Variants in DNAH9 observed in about 807,000 individuals in gnomAD.
DNAH9 encodes DNAH9 variant protein.
Under a neutral mutation model 471.6 loss-of-function variants are expected in DNAH9, and 345 were observed. The ratio of observed to expected loss-of-function variants is 0.73; its 90% CI spans 0.67 to 0.80. DNAH9 has a LOEUF of 0.80. DNAH9 is among the 30% of genes least tolerant of loss of function. DNAH9 has a pLI of 0.00. For synonymous variants in DNAH9, 2,093 were observed against 2,123.6 expected, an observed-to-expected ratio of 0.99 and a Z score of 0.40; for missense variants, 5,407 against 5,609.2, an observed-to-expected ratio of 0.96 and a Z score of 1.15.
intron 19 of DNAH9, among the ~76,000 whole-genome samples, chr17:11,688,893 C>T (rs2074285075): frequency 6.6e-6 from 1 of 152,026 alleles, no homozygotes; most frequent in Admixed American, 6.6e-5. Context: ...GTCAGGAGTT[C>T]AAGACCAGCC....
intron 20 of DNAH9, among the ~76,000 whole-genome samples, chr17:11,691,223 G>A (rs181662878): frequency 3.3e-5 from 5 of 152,248 alleles, no homozygotes; most frequent in African/African-American, 4.8e-5. Context: ...ATAGATTAAA[G>A]GTTGTATATT....
At position 11,883,074 on chromosome 17, in the gene DNAH9, A is replaced by G. The variant is rs151021694; in HGVS notation, c.10807-512A>G. The stretch of plus-strand genomic sequence containing the variant: ...AGGAAGAGATGAGATCCACTTGGAT[A>G]CCAGCACCCCACTCCAGCCTCGAGG... On this transcript the variant is annotated intron_variant, in intron 55 of 68. Coordinates refer to ENST00000262442, the MANE Select transcript of DNAH9 (RefSeq NM_001372.4). The G allele has an allele frequency of 5.1e-5, 50 of 987,552 alleles. No homozygotes were observed. The African/African-American group carries it at 8.0e-4, about 16-fold the overall frequency. 61.2% of individuals were successfully genotyped at this position (987,552 alleles called of 1,614,324 possible). A position where few individuals can be genotyped will look rare whatever the true frequency, so the allele number is the denominator to read the frequency against.
intron 24 of DNAH9, among the ~76,000 whole-genome samples, chr17:11,702,558 G>A (rs922695833): frequency 6.6e-6 from 1 of 152,184 alleles, no homozygotes; most frequent in African/African-American, 2.4e-5. Flanking sequence ...GGAGGAACCA[G>A]TAAAGCAGAA....
intron 43 of DNAH9, among the ~76,000 whole-genome samples, chr17:11,799,112 G>C (rs752897066): frequency 3.3e-5 from 5 of 151,918 alleles, no homozygotes; most frequent in Non-Finnish European, 7.4e-5. Context: ...GGCTTGCTTG[G>C]CTCCCATGGT....
At chr17:11,677,396 CTTCT>C (rs2074065321) in intron 17 of DNAH9, among the ~76,000 whole-genome samples, 1 of 152,130 alleles carries the variant, frequency 6.6e-6, no homozygotes, top group Admixed American at 6.5e-5. Context: ...CATTAAACAT[CTTCT>C]TTATCACTAG....
At chr17:11,901,252 G>A (rs1973401252) in intron 59 of DNAH9, among the ~76,000 whole-genome samples, 1 of 152,184 alleles carries the variant, frequency 6.6e-6, no homozygotes, top group Admixed American at 6.5e-5. Flanking sequence ...AGGTTTAAAA[G>A]CTATCAGCAG....
In DNAH9 at chr17:11,905,699, T is replaced by G. The variant is rs1342939872; in HGVS notation, c.11639T>G (p.Val3880Gly). ...VEEKLGSKYV[V>G]GRALDFATSF... ...GAGAAGTTAGGAAGCAAATACGTGG[T>G]GGGAAGAGCCCTAGATTTTGCAACC... The change falls in exon 61 of 69, where the codon GTG (valine) becomes GGG (glycine). Residue 3880 changes from valine (V) to glycine (G), a missense_variant. Transcript: ENST00000262442. 2 of 1,614,112 alleles carry G rather than the reference T, an allele frequency of 1.2e-6. No homozygotes were observed. Among genetic ancestry groups the G allele is most frequent in the Non-Finnish European group, 1.7e-6 (2 of 1,180,008 alleles).
rs201954006 is a variant in DNAH9 at position 11,651,166 on chromosome 17, A to G, written c.2195A>G (p.Tyr732Cys). Residue 732 changes from tyrosine (Y) to cysteine (C), a missense_variant, in exon 13 of 69, where the codon TAT becomes TGT. Tyr to Cys is a radical substitution (Grantham distance 194). Coordinates refer to ENST00000262442, the MANE Select transcript of DNAH9 (RefSeq NM_001372.4). ...GCCATGTTCTCCTCCAGGGATTTCT[A>G]TCGGCAGCTTGTGGCTAATTTAGAG... ...AAAMFSSRDF[Y>C]RQLVANLELM... 84 of 1,614,054 alleles carry G rather than the reference A, an allele frequency of 5.2e-5. No individual in the cohort carries two copies. Among genetic ancestry groups the G allele is most frequent in the Non-Finnish European group, 6.4e-5 (76 of 1,180,022 alleles).
At position 11,784,550 on chromosome 17, in the gene DNAH9, C is replaced by T. The variant is rs202044221; in HGVS notation, c.8061+11C>T. ...GCCAACATTTTCCAGGTGAGTTCAT[C>T]GGCTCCGAGACACCCTAGGGGCTTA... On this transcript the variant is annotated intron_variant, in intron 41 of 68. Coordinates refer to ENST00000262442, the MANE Select transcript of DNAH9 (RefSeq NM_001372.4). 146 of 1,614,124 alleles carry T rather than the reference C, an allele frequency of 9.0e-5. 1 individual carries two copies. The South Asian group carries it at 1.3e-3, about 14-fold the overall frequency.
Position 11,611,797 on chromosome 17 carries a change from G to A in DNAH9, c.904+17G>A. The A allele has an allele frequency of 3.7e-6, 6 of 1,613,680 alleles. No homozygotes were observed. Among genetic ancestry groups the A allele is most frequent in the Non-Finnish European group, 5.1e-6 (6 of 1,179,554 alleles). ...TTGTTGCAGGTGAGGACCAGCAAGT[G>A]TTTTCACAAATGTGTTTGACTCAAG... On this transcript the variant is annotated intron_variant, in intron 4 of 68. Coordinates refer to ENST00000262442, the MANE Select transcript of DNAH9 (RefSeq NM_001372.4).
chr17:11,668,912 TG>T (rs2073928709), intron 15 of DNAH9, 151 bp from the exon 16 acceptor site: 1 of 612,040 alleles, frequency 1.6e-6, no homozygotes, highest in Non-Finnish European at 2.9e-6. Context: ...TCACATTGTA[TG>T]GGATGTAAAC....
Position 11,871,750 on chromosome 17 carries a change from G to A in DNAH9, c.10206G>A (p.Leu3402=), listed in dbSNP as rs766744235. ...FFTKKYRQSL[L]DRTWRPYLSQ... ...CAAAGAAATACCGGCAGAGCCTCCT[G>A]GACAGAACTTGGAGGCCCTACCTGA... Residue 3402 remains leucine, a synonymous_variant, in exon 52 of 69, where the codon CTG becomes CTA. Transcript: ENST00000262442. The A allele has an allele frequency of 6.2e-7, 1 of 1,614,154 alleles. No individual in the cohort carries two copies. The highest frequency in any genetic ancestry group is 2.2e-5 in the East Asian group (1 of 44,890).
At chr17:11,868,688 C>A (rs376414037) in intron 50 of DNAH9, among the ~76,000 whole-genome samples, 1 of 151,994 alleles carries the variant, frequency 6.6e-6, no homozygotes, top group Admixed American at 6.6e-5. Flanking sequence ...ATGCTAACCC[C>A]AGTTTTGATG....
At chr17:11,624,689 C>T (rs2150664654) in intron 6 of DNAH9, among the ~76,000 whole-genome samples, 1 of 152,186 alleles carries the variant, frequency 6.6e-6, no homozygotes, top group East Asian at 1.9e-4. Context: ...ACTTTGATAT[C>T]CTATAGGGAG....
chr17:11,800,198 T>C (rs1180048311), intron 43 of DNAH9, among the ~76,000 whole-genome samples: 1 of 152,128 alleles, frequency 6.6e-6, no homozygotes, highest in African/African-American at 2.4e-5. Context: ...TCATCAAATC[T>C]AACAGCCTAT....
chr17:11,833,975 C>T (rs1352922372), intron 48 of DNAH9, among the ~76,000 whole-genome samples: 2 of 152,076 alleles, frequency 1.3e-5, no homozygotes, highest in Non-Finnish European at 2.9e-5. Context: ...GTACATGAAG[C>T]TTTATAAGCA....
rs1201835888 is a variant in DNAH9, at chr17:11,669,612, G to T, written c.3171G>T (p.Gln1057His). 2 of 1,614,192 alleles carry T rather than the reference G, an allele frequency of 1.2e-6. No homozygotes were observed. The highest frequency in any genetic ancestry group is 3.3e-5 in the Admixed American group (2 of 60,026). The part of the protein sequence containing the change: ...GIPENPPLLS[Q>H]FKVQIDSYET... ...CAGAGAACCCTCCCCTCCTTTCTCA[G>T]TTTAAAGTGCAAATCGACTCCTATG... Residue 1057 changes from glutamine (Q) to histidine (H), a missense_variant, in exon 17 of 69, where the codon CAG becomes CAT. Physicochemically the swap from Gln to His is conservative, Grantham distance 24 (BLOSUM62 0). Transcript: ENST00000262442.
chr17:11,853,969 A>C (rs1414428211), intron 49 of DNAH9, 34 bp from the exon 50 acceptor site: 2 of 1,598,932 alleles, frequency 1.3e-6, no homozygotes, highest in Non-Finnish European at 1.7e-6. Flanking sequence ...AAGCCCATTC[A>C]TGTTCCCCTA....
At chr17:11,674,035 C>T (rs777914031) in intron 17 of DNAH9, among the ~76,000 whole-genome samples, 1 of 152,160 alleles carries the variant, frequency 6.6e-6, no homozygotes, top group African/African-American at 2.4e-5. Flanking sequence ...TCCAGGTTGA[C>T]AGTATAACAG....
Sources: allele counts gnomAD v4.1 joint callset (sites outside exome capture counted in the v4.1 genomes callset), GRCh38; gene constraint gnomAD v4.1.1; transcripts MANE v1.5; gene names NCBI Gene and HGNC (gene_info 2026-07-23, HGNC 2026-07-21).